The following PPP1R3B variants were observed in gnomAD, a reference collection of about 807,000 sequenced individuals.
PPP1R3B encodes PP1 subunit R4.
A neutral mutation model predicts 14.6 loss-of-function variants in PPP1R3B; 8 were observed. That is an observed-to-expected ratio of 0.55 (90% CI 0.32 to 0.99). The LOEUF (loss-of-function observed/expected upper bound fraction) is 0.99, where lower values mean the gene tolerates loss of function less well. Ranked by LOEUF, PPP1R3B falls within the 50% of genes least tolerant of loss-of-function variation. The probability of loss-of-function intolerance (pLI) is 0.04; values close to 1 mark genes in which losing one functional copy is unlikely to be tolerated. For missense variants in PPP1R3B, 452 were observed against 360.1 expected, an observed-to-expected ratio of 1.26 and a Z score of -2.07; for synonymous variants, 169 against 142.0, an observed-to-expected ratio of 1.19 and a Z score of -1.35.
Position 9,140,841 on chromosome 8 carries a change from C to G in PPP1R3B, c.811G>C (p.Glu271Gln), listed in dbSNP as rs929175063. ...TCATATCCTAAGTAACTTGGCCACT[C>G]TGGAAACAGACCATAGGAACACCGA... Reference protein sequence around the residue: ...SPRCSYGLFPEWPSYLGYEKL... With the variant: ...SPRCSYGLFPQWPSYLGYEKL... The change falls in exon 2 of 2, where the codon GAG becomes CAG. Residue 271 changes from glutamate to glutamine, a missense_variant. Physicochemically the swap from Glu to Gln is conservative, Grantham distance 29. Coordinates refer to ENST00000310455, the MANE Select transcript of PPP1R3B (RefSeq NM_024607.4). 1.2e-6 allele frequency: 2 copies of G among 1,614,010 alleles called. No individual in the cohort carries two copies. The highest frequency in any genetic ancestry group is 1.7e-6 in the Non-Finnish European group (2 of 1,180,038).
rs1361916890 is a variant in PPP1R3B at position 9,140,574 on chromosome 8, G to A, written c.*220C>T. On this transcript the variant is annotated 3_prime_UTR_variant, in exon 2 of 2. Coordinates refer to ENST00000310455, the MANE Select transcript of PPP1R3B (RefSeq NM_024607.4). The stretch of plus-strand genomic sequence containing the variant: ...CGTGGCTGCCACAGTGCGAAAGCGC[G>A]CCAGCCACCACTGCTCCTTTGAGTG... 9 of 596,976 alleles carry A rather than the reference G, an allele frequency of 1.5e-5. No homozygotes were observed. Among genetic ancestry groups the A allele is most frequent in the South Asian group, 6.2e-5 (3 of 48,328 alleles). The allele number at this position is 596,976 out of a possible 1,614,324, so 37.0% of individuals were successfully genotyped here.
upstream of PPP1R3B, among the ~76,000 whole-genome samples, chr8:9,150,854 C>G (rs927528754): frequency 1.3e-5 from 2 of 152,236 alleles, no homozygotes; most frequent in Non-Finnish European, 2.9e-5. Flanking sequence ...TGCTAGGTCC[C>G]GTCGCCCTCG....
At position 9,140,936 on chromosome 8, in the gene PPP1R3B, G is replaced by A; in HGVS notation, c.716C>T (p.Ser239Phe). 6.2e-7 allele frequency: 1 copy of A among 1,614,226 alleles called. No homozygotes were observed. The highest frequency in any genetic ancestry group is 8.5e-7 in the Non-Finnish European group (1 of 1,180,030). ...NYRIIRAELK[S>F]TQGMTKPHSG... ...GTGGGGCTTGGTCATTCCCTGGGTA[G>A]ATTTTAACTCAGCCCGGATGATCCT... Residue 239 changes from serine to phenylalanine, a missense_variant, in exon 2 of 2, where the codon TCT becomes TTT. Ser to Phe is a radical substitution (Grantham distance 155). Transcript: ENST00000310455.
chr8:9,144,312 C>T (rs529103253), intron 1 of PPP1R3B, among the ~76,000 whole-genome samples: 3 of 151,650 alleles, frequency 2.0e-5, no homozygotes, highest in South Asian at 2.1e-4. Flanking sequence ...CTCAGCCTCC[C>T]GAGTAGCTAG....
At chr8:9,141,982 C>T (rs1302329859) in intron 1 of PPP1R3B, among the ~76,000 whole-genome samples, 2 of 152,122 alleles carry the variant, frequency 1.3e-5, no homozygotes, top group Non-Finnish European at 2.9e-5. Flanking sequence ...TGGGGCCTTC[C>T]GTTGGCAAAT....
chr8:9,141,330 C>T lies in PPP1R3B; in HGVS notation c.322G>A (p.Glu108Lys), dbSNP rs768143965. 5.6e-6 allele frequency: 9 copies of T among 1,614,036 alleles called. No homozygotes were observed. Among genetic ancestry groups the T allele is most frequent in the Middle Eastern group, 1.6e-4 (1 of 6,084 alleles). ...TGGGAAAAATCCAGAACAAAGCTCT[C>T]GCTCTCTGCTGTCGTCAAGCTCACA... ...NIVSLTTAES[E>K]SFVLDFSQPS... The change falls in exon 2 of 2, where the codon GAG (glutamate) becomes AAG (lysine). Residue 108 changes from glutamate to lysine, a missense_variant. Glu to Lys is a moderately conservative substitution (Grantham distance 56). Transcript: ENST00000310455.
chr8:9,147,084 G>C (rs924917257), intron 1 of PPP1R3B, among the ~76,000 whole-genome samples: 6 of 152,086 alleles, frequency 3.9e-5, no homozygotes, highest in African/African-American at 9.6e-5. Context: ...CCGGGTTCAA[G>C]CGATTCTCCT....
Position 9,140,958 on chromosome 8 carries a change from T to G in PPP1R3B, c.694A>C (p.Ile232Leu), listed in dbSNP as rs768692077. 6.2e-7 allele frequency: 1 copy of G among 1,614,168 alleles called. No homozygotes were observed. Among genetic ancestry groups the G allele is most frequent in the East Asian group, 2.2e-5 (1 of 44,874 alleles). ...GTAGATTTTAACTCAGCCCGGATGA[T>G]CCTATAGTTCTTGCCTCTGTTGCTG... ...WDSNRGKNYR[I>L]IRAELKSTQG... The change falls in exon 2 of 2, where the codon ATC becomes CTC. Residue 232 changes from isoleucine (I) to leucine (L), a missense_variant. Ile to Leu is a conservative substitution (Grantham distance 5). Coordinates refer to ENST00000310455, the MANE Select transcript of PPP1R3B (RefSeq NM_024607.4).
rs758226918 is a variant in PPP1R3B at position 9,141,504 on chromosome 8, C to A, written c.148G>T (p.Val50Leu). Reference sequence around the variant, plus strand: ...TTCTTCTCCTGGACAGCCGGGGCCACCATTCCACTGGCTTCATTCTTGCTG... The same window carrying A: ...TTCTTCTCCTGGACAGCCGGGGCCAACATTCCACTGGCTTCATTCTTGCTG... ...LSSKNEASGM[V>L]APAVQEKKVK... Residue 50 changes from valine to leucine, a missense_variant, in exon 2 of 2, where the codon GTG (valine) becomes TTG (leucine). Val to Leu is a conservative substitution (Grantham distance 32, BLOSUM62 1). Transcript: ENST00000310455. 6.2e-7 allele frequency: 1 copy of A among 1,614,192 alleles called. No homozygotes were observed. Among genetic ancestry groups the A allele is most frequent in the Non-Finnish European group, 8.5e-7 (1 of 1,180,050 alleles).
In PPP1R3B at chr8:9,139,411, G is replaced by A. The variant is rs1434299179; in HGVS notation, c.*1383C>T. On this transcript the variant is annotated 3_prime_UTR_variant, in exon 2 of 2. Coordinates refer to ENST00000310455, the MANE Select transcript of PPP1R3B (RefSeq NM_024607.4). ...CCCAAGTCCATGTCCCTGGGTGCTGGTAAAGTGTTCTAGATAGTGTGAATC... is the reference window on the plus strand; with the variant it reads ...CCCAAGTCCATGTCCCTGGGTGCTGATAAAGTGTTCTAGATAGTGTGAATC... 1 of 152,182 alleles carries A rather than the reference G, an allele frequency of 6.6e-6. No individual in the cohort carries two copies. 9.4% of individuals were successfully genotyped at this position (152,182 alleles called of 1,614,324 possible). A position where few individuals can be genotyped will look rare whatever the true frequency, so the allele number is the denominator to read the frequency against.
chr8:9,137,042 A>G lies in PPP1R3B; in HGVS notation c.*3752T>C, dbSNP rs1350816355. On this transcript the variant is annotated 3_prime_UTR_variant, in exon 2 of 2. Coordinates refer to ENST00000310455, the MANE Select transcript of PPP1R3B (RefSeq NM_024607.4). ...CAGTTCCAAATTTACATCTTCTAAGAATGTATAATTTTGCCACCATTAAAA... is the reference window on the plus strand; with the variant it reads ...CAGTTCCAAATTTACATCTTCTAAGGATGTATAATTTTGCCACCATTAAAA... 3 of 152,260 alleles carry G rather than the reference A, an allele frequency of 2.0e-5. No individual in the cohort carries two copies. Among genetic ancestry groups the G allele is most frequent in the Non-Finnish European group, 4.4e-5 (3 of 68,042 alleles). The allele number at this position is 152,260 out of a possible 1,614,324, so 9.4% of individuals were successfully genotyped here.
intron 1 of PPP1R3B, among the ~76,000 whole-genome samples, chr8:9,147,753 G>A (rs970824003): frequency 6.8e-6 from 1 of 146,970 alleles, no homozygotes. Flanking sequence ...AGTCCGGCTT[G>A]GAGAGGCCAG....
At position 9,138,119 on chromosome 8, in the gene PPP1R3B, G is replaced by A. The variant is rs904030237; in HGVS notation, c.*2675C>T. ...CTCTGTGCCTCTCCTGCATTGTGGG[G>A]AGGGCACTTCTTAAGGCAAAGTAAA... On this transcript the variant is annotated 3_prime_UTR_variant, in exon 2 of 2. Coordinates refer to ENST00000310455, the MANE Select transcript of PPP1R3B (RefSeq NM_024607.4). 4 of 151,904 alleles carry A rather than the reference G, an allele frequency of 2.6e-5. No homozygotes were observed. The highest frequency in any genetic ancestry group is 4.4e-5 in the Non-Finnish European group (3 of 68,028). The allele number at this position is 151,904 out of a possible 1,614,324, so 9.4% of individuals were successfully genotyped here.
At chr8:9,146,835 G>A (rs930855579) in intron 1 of PPP1R3B, among the ~76,000 whole-genome samples, 2 of 151,810 alleles carry the variant, frequency 1.3e-5, no homozygotes, top group Admixed American at 6.6e-5. Context: ...GAGGTTCCAC[G>A]GATTGACTAA....
At chr8:9,150,970 A>G (rs1341203814), upstream of PPP1R3B, among the ~76,000 whole-genome samples, 3 of 152,098 alleles carry the variant, frequency 2.0e-5, no homozygotes, top group Non-Finnish European at 2.9e-5. Context: ...CCACTACCCA[A>G]CTTTGGAGAA....
In PPP1R3B at chr8:9,140,790, G is replaced by A. The variant is rs1462778638; in HGVS notation, c.*4C>T. 2.5e-6 allele frequency: 4 copies of A among 1,613,062 alleles called. No homozygotes were observed. The highest frequency in any genetic ancestry group is 3.4e-6 in the Non-Finnish European group (4 of 1,179,392). Reference sequence around the variant, plus strand: ...GCTCCGCCACGCCCTGTCACCTGCAGTCACTAGTAGTAGGGCCCTAGCTTT... The same window carrying A: ...GCTCCGCCACGCCCTGTCACCTGCAATCACTAGTAGTAGGGCCCTAGCTTT... On this transcript the variant is annotated 3_prime_UTR_variant, in exon 2 of 2. Coordinates refer to ENST00000310455, the MANE Select transcript of PPP1R3B (RefSeq NM_024607.4).
Position 9,139,717 on chromosome 8 carries a change from T to A in PPP1R3B, c.*1077A>T, listed in dbSNP as rs1401931816. On this transcript the variant is annotated 3_prime_UTR_variant, in exon 2 of 2. Transcript: ENST00000310455. ...GCGCCCGCCACCACGCCTGGCTAAT[T>A]TTTTTGTATTTTTAGTAGAGACAGG... The A allele has an allele frequency of 6.6e-6, 1 of 151,488 alleles. No homozygotes were observed. The highest frequency in any genetic ancestry group is 1.5e-5 in the Non-Finnish European group (1 of 67,848). 9.4% of individuals were successfully genotyped at this position (151,488 alleles called of 1,614,324 possible). A position where few individuals can be genotyped will look rare whatever the true frequency, so the allele number is the denominator to read the frequency against.
At chr8:9,146,827 G>A (rs1801253815) in intron 1 of PPP1R3B, among the ~76,000 whole-genome samples, 1 of 151,926 alleles carries the variant, frequency 6.6e-6, no homozygotes, top group African/African-American at 2.4e-5. Context: ...GGTTTGCAGA[G>A]GTTCCACGGA....
chr8:9,141,307 G>T lies in PPP1R3B; in HGVS notation c.345C>A (p.Ser115=). The change falls in exon 2 of 2, where the codon TCC becomes TCA. Residue 115 remains serine, a synonymous_variant. Transcript: ENST00000310455. ...AESESFVLDF[S]QPSADYLDFR... Reference sequence around the variant, plus strand: ...AGTCTAAGTAATCTGCAGAGGGCTGGGAAAAATCCAGAACAAAGCTCTCGC... The same window carrying T: ...AGTCTAAGTAATCTGCAGAGGGCTGTGAAAAATCCAGAACAAAGCTCTCGC... 1 of 1,614,148 alleles carries T rather than the reference G, an allele frequency of 6.2e-7. No individual in the cohort carries two copies. Among genetic ancestry groups the T allele is most frequent in the Non-Finnish European group, 8.5e-7 (1 of 1,180,040 alleles).
Sources: allele counts gnomAD v4.1 joint callset (sites outside exome capture counted in the v4.1 genomes callset), GRCh38; gene constraint gnomAD v4.1.1; transcripts MANE v1.5; gene names NCBI Gene and HGNC (gene_info 2026-07-23, HGNC 2026-07-21).